Variants in VPS13D observed in about 807,000 individuals in gnomAD.
VPS13D encodes intermembrane lipid transfer protein VPS13D.
Under a neutral mutation model 461.9 loss-of-function variants are expected in VPS13D, and 187 were observed. The observed-to-expected ratio is 0.40, with a 90% CI of 0.36 to 0.46. The LOEUF (loss-of-function observed/expected upper bound fraction) is 0.46. VPS13D is among the 20% of genes least tolerant of loss of function. The probability of loss-of-function intolerance (pLI) is 0.60; values close to 1 mark genes in which losing one functional copy is unlikely to be tolerated. For missense variants in VPS13D, 4,711 were observed against 5,364.9 expected (o/e 0.88, Z 3.81); for synonymous variants, 1,951 against 1,986.3 (o/e 0.98, Z 0.47).
chr1:12,293,968 G>A (rs1642204180), intron 24 of VPS13D, among the ~76,000 whole-genome samples: 1 of 152,140 alleles, frequency 6.6e-6, no homozygotes, highest in Non-Finnish European at 1.5e-5. Flanking sequence ...TAAGACTTCT[G>A]GTCCCTTTTA....
chr1:12,308,528 A>G lies in VPS13D; in HGVS notation c.6537A>G (p.Pro2179=). Residue 2179 remains proline, a synonymous_variant, in exon 27 of 70, where the codon CCA becomes CCG. Transcript: ENST00000620676. ...ERHPREYSKA[P]EDSSGDLIFP... is the part of the protein sequence containing the mutation. The stretch of plus-strand genomic sequence containing the variant: ...ATCCGAGAGAATACTCGAAGGCACC[A>G]GAGGATAGTAGTGGAGATCTGATCT... 6.2e-7 allele frequency: 1 copy of G among 1,614,146 alleles called. No individual in the cohort carries two copies. Among genetic ancestry groups the G allele is most frequent in the Non-Finnish European group, 8.5e-7 (1 of 1,180,024 alleles).
chr1:12,504,405 G>T (rs1557482875), intron 68 of VPS13D, among the ~76,000 whole-genome samples: 2 of 152,198 alleles, frequency 1.3e-5, no homozygotes, highest in South Asian at 2.1e-4. Flanking sequence ...CCAGAAATAT[G>T]TTATTATCAG....
chr1:12,335,703 A>G lies in VPS13D; in HGVS notation c.8429-2A>G. 6.2e-7 allele frequency: 1 copy of G among 1,610,952 alleles called. No individual in the cohort carries two copies. Among genetic ancestry groups the G allele is most frequent in the Non-Finnish European group, 8.5e-7 (1 of 1,178,420 alleles). ...TTAATATCTCTGGGGGATTCTTTCT[A>G]GACCAGTATGTAAGTACCAAGGAAT... On this transcript the variant is annotated splice_acceptor_variant, in intron 38 of 69. Transcript: ENST00000620676. LOFTEE classifies it high-confidence loss of function.
At chr1:12,319,420 T>G in intron 31 of VPS13D, 77 bp from the exon 32 acceptor site, 1 of 1,587,464 alleles carries the variant, frequency 6.3e-7, no homozygotes, top group Non-Finnish European at 8.6e-7. Flanking sequence ...GGAAATGCGC[T>G]CGCTGCCTTG....
intron 12 of VPS13D, 129 bp from the exon 13 acceptor site, chr1:12,261,772 T>C (rs1641116582): frequency 1.3e-6 from 1 of 786,694 alleles, no homozygotes; most frequent in African/African-American, 1.7e-5. Flanking sequence ...CACCCATGAC[T>C]TTGGAGTTCT....
Position 12,475,873 on chromosome 1 carries a change from C to T in VPS13D, c.12662+15477C>T, listed in dbSNP as rs185169852. On this transcript the variant is annotated intron_variant, in intron 67 of 69. Coordinates refer to ENST00000620676, the MANE Select transcript of VPS13D (RefSeq NM_015378.4). The stretch of plus-strand genomic sequence containing the variant: ...TGTTTAGTTTCTTTTAGCTGATGGC[C>T]AAGAAATCAATGTTTAAAAAAAAAA... Among the ~76,000 whole-genome samples, 613 of 149,228 alleles carry T rather than the reference C, an allele frequency of 4.1e-3. 2 individuals carry two copies. The highest frequency in any genetic ancestry group is 7.4e-3 in the Non-Finnish European group (500 of 67,366).
chr1:12,374,149 C>T (rs1034924011), intron 55 of VPS13D, among the ~76,000 whole-genome samples: 3 of 152,096 alleles, frequency 2.0e-5, no homozygotes, highest in Non-Finnish European at 4.4e-5. Context: ...GAACAAATTT[C>T]TAAGATTAAG....
chr1:12,323,806 CGTT>C (rs773112195), intron 35 of VPS13D, 26 bp downstream of exon 35: 1 of 1,607,832 alleles, frequency 6.2e-7, no homozygotes. Flanking sequence ...TTCTGTTACC[CGTT>C]GTTTATCTTG....
chr1:12,363,335 C>A, intron 52 of VPS13D, 88 bp downstream of exon 52: 1 of 1,398,046 alleles, frequency 7.2e-7, no homozygotes, highest in South Asian at 1.4e-5. Flanking sequence ...AAAATGGGCA[C>A]AAATATTTCT....
chr1:12,315,847 C>T (rs1239822000), intron 30 of VPS13D, among the ~76,000 whole-genome samples: 1 of 151,528 alleles, frequency 6.6e-6, no homozygotes, highest in East Asian at 1.9e-4. Context: ...GACGTAGTCT[C>T]ACTCTGTCGC....
intron 30 of VPS13D, 26 bp from the exon 31 acceptor site, chr1:12,318,046 T>G (rs1322657426): frequency 1.9e-6 from 3 of 1,579,650 alleles, no homozygotes; most frequent in Non-Finnish European, 2.6e-6. Context: ...TTTTCCTATT[T>G]ATTTTCTCCT....
At chr1:12,271,286 G>C (rs191677696) in intron 17 of VPS13D, among the ~76,000 whole-genome samples, 162 bp downstream of exon 17, 1 of 152,158 alleles carries the variant, frequency 6.6e-6, no homozygotes, top group African/African-American at 2.4e-5. Flanking sequence ...ATAGAATCTT[G>C]TGTCTTTTAT....
chr1:12,423,847 G>T (rs1322980075), intron 65 of VPS13D, among the ~76,000 whole-genome samples: 1 of 152,176 alleles, frequency 6.6e-6, no homozygotes, highest in Non-Finnish European at 1.5e-5. Context: ...TGTTTACTTT[G>T]CAGTCACTGT....
intron 58 of VPS13D, 75 bp from the exon 59 acceptor site, chr1:12,385,185 C>A: frequency 2.5e-6 from 3 of 1,183,606 alleles, no homozygotes; most frequent in Admixed American, 1.9e-5. Flanking sequence ...TTGACCTACA[C>A]AGTTGTTCTG....
chr1:12,237,083 GTA>G (rs1009331331), intron 2 of VPS13D, among the ~76,000 whole-genome samples: 38 of 151,008 alleles, frequency 2.5e-4, no homozygotes, highest in Middle Eastern at 6.8e-3. Context: ...ATCTGTGTAT[GTA>G]TATATATATG....
intron 65 of VPS13D, among the ~76,000 whole-genome samples, chr1:12,433,682 A>G (rs756269059): frequency 1.3e-5 from 2 of 152,138 alleles, no homozygotes; most frequent in Non-Finnish European, 2.9e-5. Flanking sequence ...ACTATTGCCA[A>G]TGGGCACCTG....
At chr1:12,308,710 C>T (rs1453112957) in intron 27 of VPS13D, 69 bp downstream of exon 27, 24 of 1,480,244 alleles carry the variant, frequency 1.6e-5, no homozygotes, top group East Asian at 4.5e-5. Context: ...AGTGCAGTGG[C>T]GCAATCTTGG....
At chr1:12,497,709 G>C (rs1364645621) in intron 68 of VPS13D, 78 bp downstream of exon 68, 8 of 1,502,062 alleles carry the variant, frequency 5.3e-6, no homozygotes, top group African/African-American at 1.4e-5. Context: ...GTCTCCATCT[G>C]ATCTGAGTTA....
At chr1:12,456,230 G>A (rs1481083189) in intron 66 of VPS13D, 100 bp downstream of exon 66, 22 of 1,458,912 alleles carry the variant, frequency 1.5e-5, no homozygotes, top group Admixed American at 5.0e-5. Flanking sequence ...TGGGCTGGGC[G>A]CGGTGGCTCA....
Sources: allele counts gnomAD v4.1 joint callset (sites outside exome capture counted in the v4.1 genomes callset), GRCh38; gene constraint gnomAD v4.1.1; transcripts MANE v1.5; gene names NCBI Gene and HGNC (gene_info 2026-07-23, HGNC 2026-07-21).